NCOA5: variants seen among roughly 807,000 people sequenced by gnomAD.
NCOA5 encodes the protein nuclear receptor coactivator 5.
In NCOA5, 12 loss-of-function variants were observed where a neutral mutation model predicts 59.0. The ratio of observed to expected loss-of-function variants is 0.20; its 90% CI spans 0.13 to 0.33. The LOEUF (loss-of-function observed/expected upper bound fraction) is 0.33. NCOA5 is among the 10% of genes least tolerant of loss of function. The pLI, the probability that NCOA5 is intolerant of heterozygous loss-of-function variation, is 1.00. For synonymous variants in NCOA5, 270 were observed against 275.5 expected (o/e 0.98, Z 0.20); for missense variants, 655 against 766.6 (o/e 0.85, Z 1.72).
chr20:46,077,077 C>T (rs890085276), intron 2 of NCOA5, among the ~76,000 whole-genome samples: 7 of 152,066 alleles, frequency 4.6e-5, no homozygotes, highest in African/African-American at 1.7e-4. Context: ...GCCATGACGC[C>T]CGGCTATTTT....
intron 1 of NCOA5, among the ~76,000 whole-genome samples, chr20:46,080,974 T>C (rs945685069): frequency 2.6e-5 from 4 of 152,138 alleles, no homozygotes; most frequent in Non-Finnish European, 4.4e-5. Context: ...AGTTCTATTA[T>C]ACGTAATTGT....
At position 46,061,857 on chromosome 20, in the gene NCOA5, G is replaced by A. The variant is rs1467456377; in HGVS notation, c.*443C>T. On this transcript the variant is annotated 3_prime_UTR_variant, in exon 8 of 8. Transcript: ENST00000290231. ...TTTGCTTTTCTTCAACTCTAGGCAG[G>A]AGTTGCAGGCAGGAGCTTGAGCTCT... 1 of 156,722 alleles carries A rather than the reference G, an allele frequency of 6.4e-6. No individual in the cohort carries two copies. The allele number at this position is 156,722 out of a possible 1,614,324, so 9.7% of individuals were successfully genotyped here. A position where few individuals can be genotyped will look rare whatever the true frequency, so the allele number is the denominator to read the frequency against.
chr20:46,082,329 G>A (rs1052208466), intron 1 of NCOA5, among the ~76,000 whole-genome samples: 7 of 151,932 alleles, frequency 4.6e-5, no homozygotes, highest in Non-Finnish European at 7.4e-5. Flanking sequence ...TCAACACCAA[G>A]CAAATAGAAA....
chr20:46,074,720 G>A (rs1373668173), intron 2 of NCOA5, among the ~76,000 whole-genome samples: 1 of 152,224 alleles, frequency 6.6e-6, no homozygotes, highest in African/African-American at 2.4e-5. Context: ...CTAAAGGGGT[G>A]TGCAGAGCAC....
At chr20:46,067,646 T>C (rs1055462613) in intron 4 of NCOA5, among the ~76,000 whole-genome samples, 2 of 144,532 alleles carry the variant, frequency 1.4e-5, no homozygotes, top group African/African-American at 5.0e-5. Flanking sequence ...AAAAATCAAG[T>C]ATAAAGTTTA....
At position 46,082,821 on chromosome 20, in the gene NCOA5, G is replaced by T. The variant is rs372527754; in HGVS notation, c.-29-3368C>A. Reference sequence around the variant, plus strand: ...AACTGGAAAATAATCTAGAAAACATGCTGGAAATGGCAGAACCATTATAAA... The same window carrying T: ...AACTGGAAAATAATCTAGAAAACATTCTGGAAATGGCAGAACCATTATAAA... On this transcript the variant is annotated intron_variant, in intron 1 of 7. Coordinates refer to ENST00000290231, the MANE Select transcript of NCOA5 (RefSeq NM_020967.3). 9.9e-5 allele frequency among the ~76,000 whole-genome samples: 15 copies of T among 152,270 alleles called. No homozygotes were observed. The East Asian group carries it at 2.9e-3, about 29-fold the overall frequency.
At chr20:46,077,339 C>A (rs1309906481) in intron 2 of NCOA5, among the ~76,000 whole-genome samples, 1 of 152,184 alleles carries the variant, frequency 6.6e-6, no homozygotes, top group African/African-American at 2.4e-5. Context: ...AATGCTCTGG[C>A]AACGGCTATT....
intron 1 of NCOA5, among the ~76,000 whole-genome samples, chr20:46,080,123 ACTC>A (rs2084976587): frequency 6.6e-6 from 1 of 152,046 alleles, no homozygotes; most frequent in Non-Finnish European, 1.5e-5. Flanking sequence ...GTAATAAAAC[ACTC>A]CTCCTAAGTT....
chr20:46,089,175 C>T (rs909462364), intron 1 of NCOA5, among the ~76,000 whole-genome samples: 1 of 152,180 alleles, frequency 6.6e-6, no homozygotes, highest in Admixed American at 6.5e-5. Context: ...GGAAAGCCGG[C>T]CGGATCGGAC....
chr20:46,083,006 G>C (rs1196204762), intron 1 of NCOA5, among the ~76,000 whole-genome samples: 1 of 152,082 alleles, frequency 6.6e-6, no homozygotes, highest in African/African-American at 2.4e-5. Context: ...AAACTACTTT[G>C]TTCTACTTAT....
At position 46,079,258 on chromosome 20, in the gene NCOA5, C is replaced by A. The variant is rs1012620303; in HGVS notation, c.38+129G>T. ...GCAGCAAGGCCCTTCACACAGGGTTCATGTTCTTATTGTTTGCTTGAGCGT... is the reference window on the plus strand; with the variant it reads ...GCAGCAAGGCCCTTCACACAGGGTTAATGTTCTTATTGTTTGCTTGAGCGT... On this transcript the variant is annotated intron_variant, in intron 2 of 7. Coordinates refer to ENST00000290231, the MANE Select transcript of NCOA5 (RefSeq NM_020967.3). The A allele has an allele frequency of 2.8e-5, 24 of 853,414 alleles. No individual in the cohort carries two copies. In the East Asian group the frequency reaches 5.2e-4, roughly 19 times the overall value. 52.9% of individuals were successfully genotyped at this position (853,414 alleles called of 1,614,324 possible).
chr20:46,086,233 A>T (rs1168920203), intron 1 of NCOA5, among the ~76,000 whole-genome samples: 1 of 152,252 alleles, frequency 6.6e-6, no homozygotes, highest in Non-Finnish European at 1.5e-5. Context: ...TTTCTAATGC[A>T]ACTTAAGCTG....
intron 1 of NCOA5, among the ~76,000 whole-genome samples, chr20:46,089,097 C>A (rs1018201057): frequency 4.6e-5 from 7 of 152,340 alleles, no homozygotes; most frequent in African/African-American, 1.7e-4. Context: ...GAAACGTGTG[C>A]AACGCCGTCC....
At chr20:46,087,219 C>T (rs2085054477) in intron 1 of NCOA5, among the ~76,000 whole-genome samples, 1 of 152,224 alleles carries the variant, frequency 6.6e-6, no homozygotes, top group East Asian at 1.9e-4. Flanking sequence ...TCATTCTTCA[C>T]GTGGGGAGTC....
Position 46,063,578 on chromosome 20 carries a change from C to T in NCOA5, c.932G>A (p.Arg311Lys). 1 of 1,614,228 alleles carries T rather than the reference C, an allele frequency of 6.2e-7. No individual in the cohort carries two copies. The highest frequency in any genetic ancestry group is 8.5e-7 in the Non-Finnish European group (1 of 1,180,050). The change falls in exon 7 of 8, where the codon AGA (arginine) becomes AAA (lysine). Residue 311 changes from arginine to lysine, a missense_variant. Physicochemically the swap from Arg to Lys is conservative, Grantham distance 26. Coordinates refer to ENST00000290231, the MANE Select transcript of NCOA5 (RefSeq NM_020967.3). ...CREKEREEIA[R>K]QAAKMADEAI... ...TTCATCGGCCATCTTGGCTGCCTGT[C>T]TGGCAATCTCCTCACGTTCCTTCTC...
intron 1 of NCOA5, among the ~76,000 whole-genome samples, chr20:46,084,414 G>A (rs955831823): frequency 3.3e-5 from 5 of 152,186 alleles, no homozygotes; most frequent in Admixed American, 2.6e-4. Flanking sequence ...TCCAGTCTAT[G>A]CTAGACACTC....
intron 1 of NCOA5, among the ~76,000 whole-genome samples, chr20:46,085,643 A>C (rs1377077182): frequency 6.6e-6 from 1 of 152,182 alleles, no homozygotes; most frequent in Non-Finnish European, 1.5e-5. Context: ...AGGACATAAT[A>C]AATTAGAAAA....
intron 2 of NCOA5, among the ~76,000 whole-genome samples, chr20:46,078,273 A>T (rs909264882): frequency 2.0e-5 from 3 of 152,266 alleles, no homozygotes; most frequent in Admixed American, 2.0e-4. Flanking sequence ...GAGTATATAC[A>T]TGAAACACAC....
rs773040587 is a variant in NCOA5, at chr20:46,070,430, G to A, written c.145C>T (p.Arg49Trp). Residue 49 changes from arginine (R) to tryptophan (W), a missense_variant, in exon 3 of 8, where the codon CGG becomes TGG. By Grantham distance (101) the Arg-to-Trp change is moderately radical (BLOSUM62 -3). Around this residue, in one of 3 missense-constraint regions of NCOA5, gnomAD observed 250 missense variants for 260.1 expected, o/e 0.96. Coordinates refer to ENST00000290231, the MANE Select transcript of NCOA5 (RefSeq NM_020967.3). ...PRDGRNGRDA[R>W]DSRDIRDPRD... is the part of the protein sequence containing the mutation. ...GGGTCTCGAATGTCTCTGCTGTCCCGGGCATCCCGGCCATTTCTGCCATCC... is the reference window on the plus strand; with the variant it reads ...GGGTCTCGAATGTCTCTGCTGTCCCAGGCATCCCGGCCATTTCTGCCATCC... 15 of 1,613,784 alleles carry A rather than the reference G, an allele frequency of 9.3e-6. No individual in the cohort carries two copies. Among genetic ancestry groups the A allele is most frequent in the South Asian group, 4.4e-5 (4 of 91,048 alleles).
Sources: allele counts gnomAD v4.1 joint callset (sites outside exome capture counted in the v4.1 genomes callset), GRCh38; gene constraint gnomAD v4.1.1; regional missense constraint gnomAD v4.1.1; transcripts MANE v1.5; gene names NCBI Gene and HGNC (gene_info 2026-07-23, HGNC 2026-07-21).